ALAS1: variants seen among roughly 807,000 people sequenced by gnomAD.
The protein encoded by ALAS1 is 5-aminolevulinate synthase, non-specific, mitochondrial.
A neutral mutation model predicts 59.6 loss-of-function variants in ALAS1; 29 were observed. The observed-to-expected ratio is 0.49, with a 90% CI of 0.36 to 0.66. The LOEUF is 0.66. ALAS1 is among the 30% of genes least tolerant of loss of function. The pLI, the probability that ALAS1 is intolerant of heterozygous loss-of-function variation, is 0.00. For synonymous variants in ALAS1, 299 were observed against 296.6 expected (o/e 1.01, Z -0.08); for missense variants, 690 against 807.5 (o/e 0.85, Z 1.76).
At position 52,202,656 on chromosome 3, in the gene ALAS1, C is replaced by T; in HGVS notation, c.349C>T (p.Gln117Ter). The change falls in exon 4 of 12, where the codon CAG (glutamine) becomes TAG (stop). Residue 117 changes from glutamine to a stop codon, truncating the protein, a stop_gained. Transcript: ENST00000484952. LOFTEE classifies it high-confidence loss of function. ...CCCTTTCCTGGCAGCACAGATGAATCAGAGAGGCAGCAGTGTCTTCTGCAA... is the reference window on the plus strand; with the variant it reads ...CCCTTTCCTGGCAGCACAGATGAATTAGAGAGGCAGCAGTGTCTTCTGCAA... Reference protein sequence around the residue: ...KCPFLAAQMNQRGSSVFCKAS... With the variant: ...KCPFLAAQMN 6.2e-7 allele frequency: 1 copy of T among 1,614,206 alleles called. No homozygotes were observed.
intron 4 of ALAS1, among the ~76,000 whole-genome samples, 188 bp from the exon 5 acceptor site, chr3:52,203,675 C>G (rs1466547619): frequency 1.3e-5 from 2 of 152,166 alleles, no homozygotes; most frequent in East Asian, 3.8e-4. Flanking sequence ...AAAACAACAC[C>G]AAGAGTCTGC....
chr3:52,202,572 A>T lies in ALAS1; in HGVS notation c.265A>T (p.Thr89Ser), dbSNP rs1436104564. The T allele has an allele frequency of 1.2e-6, 2 of 1,614,204 alleles. No homozygotes were observed. Among genetic ancestry groups the T allele is most frequent in the African/African-American group, 2.7e-5 (2 of 75,046 alleles). ...PDGSQQSPDGTQLPSGHPLPA... is the reference protein window; with the variant it reads ...PDGSQQSPDGSQLPSGHPLPA... ...TGGATCCCAGCAGAGTCCAGATGGC[A>T]CACAGCTTCCGTCTGGACACCCCTT... is the stretch of plus-strand genomic sequence containing the variant. Residue 89 changes from threonine to serine, a missense_variant, in exon 4 of 12, where the codon ACA becomes TCA. Thr to Ser is a moderately conservative substitution (Grantham distance 58). Coordinates refer to ENST00000484952, the MANE Select transcript of ALAS1 (RefSeq NM_000688.6).
intron 10 of ALAS1, 110 bp downstream of exon 10, chr3:52,211,661 A>C (rs1252629638): frequency 6.8e-7 from 1 of 1,468,656 alleles, no homozygotes; most frequent in African/African-American, 1.4e-5. Flanking sequence ...GGTGACTGCC[A>C]GGGCAGGGGT....
chr3:52,202,859 C>A, intron 4 of ALAS1, 125 bp downstream of exon 4: 1 of 903,900 alleles, frequency 1.1e-6, no homozygotes, highest in Non-Finnish European at 1.7e-6. Context: ...TCTTTTAGGG[C>A]CAGAGAGGAA....
intron 10 of ALAS1, among the ~76,000 whole-genome samples, chr3:52,212,001 A>G (rs572952395): frequency 6.6e-6 from 1 of 152,364 alleles, no homozygotes; most frequent in East Asian, 1.9e-4. Flanking sequence ...GTCTGCTGGT[A>G]CGAACAGAAC....
chr3:52,213,012 T>C (rs1467150133), intron 11 of ALAS1, among the ~76,000 whole-genome samples: 2 of 152,200 alleles, frequency 1.3e-5, no homozygotes, highest in Non-Finnish European at 2.9e-5. Flanking sequence ...TGCACAGTAA[T>C]GACTTGCAGG....
At chr3:52,201,073 C>T (rs1699177194) in intron 3 of ALAS1, among the ~76,000 whole-genome samples, 2 of 151,898 alleles carry the variant, frequency 1.3e-5, no homozygotes, top group South Asian at 2.1e-4. Flanking sequence ...TTTTTTTGGC[C>T]TTCCGTTATA....
chr3:52,212,536 AG>A, intron 11 of ALAS1, 116 bp downstream of exon 11: 4 of 1,383,528 alleles, frequency 2.9e-6, no homozygotes, highest in Non-Finnish European at 4.0e-6. Flanking sequence ...TTCTTTTTTT[AG>A]TTTTTTTTTT....
At chr3:52,198,525 G>C (rs1367775132) in intron 1 of ALAS1, 147 bp from the exon 2 acceptor site, 7 of 478,700 alleles carry the variant, frequency 1.5e-5, no homozygotes, top group South Asian at 1.2e-4. Flanking sequence ...CCTCGACCGC[G>C]GGTCACCTCT....
intron 2 of ALAS1, 85 bp from the exon 3 acceptor site, chr3:52,199,125 T>C: frequency 7.4e-7 from 1 of 1,355,684 alleles, no homozygotes; most frequent in Non-Finnish European, 1.0e-6. Context: ...ACCCTTTATA[T>C]AAACTGCGGT....
chr3:52,204,546 TAC>T, intron 5 of ALAS1, 145 bp from the exon 6 acceptor site: 2 of 674,884 alleles, frequency 3.0e-6, no homozygotes, highest in Non-Finnish European at 5.1e-6. Flanking sequence ...AAACACGACA[TAC>T]AGTCTTATTT....
Position 52,203,962 on chromosome 3 carries a change from A to G in ALAS1, c.527A>G (p.Lys176Arg). The G allele has an allele frequency of 6.2e-7, 1 of 1,613,320 alleles. No individual in the cohort carries two copies. Among genetic ancestry groups the G allele is most frequent in the Non-Finnish European group, 8.5e-7 (1 of 1,179,550 alleles). ...AAGAACTTCCAGGACATCATGCAAA[A>G]GCAAAGACCAGAAAGAGTGTCTCAT... ...LLKNFQDIMQ[K>R]QRPERVSHLL... is the part of the protein sequence containing the mutation. The change falls in exon 5 of 12, where the codon AAG becomes AGG. Residue 176 changes from lysine to arginine, a missense_variant. Physicochemically the swap from Lys to Arg is conservative, Grantham distance 26 (BLOSUM62 2). Coordinates refer to ENST00000484952, the MANE Select transcript of ALAS1 (RefSeq NM_000688.6).
Position 52,212,540 on chromosome 3 carries a change from T to G in ALAS1, c.1762+120T>G. The G allele has an allele frequency of 2.2e-6, 3 of 1,363,776 alleles. 1 individual carries two copies. Among genetic ancestry groups the G allele is most frequent in the Middle Eastern group, 5.2e-4 (2 of 3,832 alleles). 84.5% of individuals were successfully genotyped at this position (1,363,776 alleles called of 1,614,324 possible). A position where few individuals can be genotyped will look rare whatever the true frequency, so the allele number is the denominator to read the frequency against. ...TTTGTTTCTTCTTCTTTTTTTAGTT[T>G]TTTTTTTGAGACAAGAGTTTCGCTC... On this transcript the variant is annotated intron_variant, in intron 11 of 11. Coordinates refer to ENST00000484952, the MANE Select transcript of ALAS1 (RefSeq NM_000688.6).
At chr3:52,199,146 A>G (rs1699132408) in intron 2 of ALAS1, 64 bp from the exon 3 acceptor site, 2 of 1,526,850 alleles carry the variant, frequency 1.3e-6, no homozygotes, top group African/African-American at 1.4e-5. Context: ...TGACACCTGA[A>G]TCCAGTGAGC....
chr3:52,212,722 G>T (rs1401735626), intron 11 of ALAS1, among the ~76,000 whole-genome samples: 5 of 151,888 alleles, frequency 3.3e-5, no homozygotes, highest in Non-Finnish European at 7.4e-5. Context: ...GTAGAGATGG[G>T]GTTTCTCCAT....
chr3:52,205,693 T>G (rs981978228), intron 6 of ALAS1, 146 bp from the exon 7 acceptor site: 19 of 708,122 alleles, frequency 2.7e-5, no homozygotes, highest in Non-Finnish European at 4.3e-5. Context: ...ATGAAATCAG[T>G]TGAAATTTCT....
rs1425124773 is a variant in ALAS1 at position 52,214,325 on chromosome 3, G to A, written c.*145G>A. The A allele has an allele frequency of 7.6e-6, 6 of 793,178 alleles. No homozygotes were observed. The East Asian group carries it at 8.5e-5, about 11-fold the overall frequency. The allele number at this position is 793,178 out of a possible 1,614,324, so 49.1% of individuals were successfully genotyped here. A position where few individuals can be genotyped will look rare whatever the true frequency, so the allele number is the denominator to read the frequency against. ...CTGGAAATAAATTCTTGCTTAAATG[G>A]TGGTTCTTTCTGCTATTGGCTACTG... On this transcript the variant is annotated 3_prime_UTR_variant, in exon 12 of 12. Transcript: ENST00000484952.
In ALAS1 at chr3:52,214,269, T is replaced by C; in HGVS notation, c.*89T>C. 1.6e-6 allele frequency: 2 copies of C among 1,226,404 alleles called. No homozygotes were observed. The highest frequency in any genetic ancestry group is 1.5e-5 in the African/African-American group (1 of 66,252). The allele number at this position is 1,226,404 out of a possible 1,614,324, so 76.0% of individuals were successfully genotyped here. ...GTCTTTATATGTGAATTAAGTTATA[T>C]TAAATTTTAATCTATAGTAAAAACA... On this transcript the variant is annotated 3_prime_UTR_variant, in exon 12 of 12. Transcript: ENST00000484952.
intron 10 of ALAS1, 141 bp from the exon 11 acceptor site, chr3:52,212,117 C>T: frequency 1.3e-6 from 1 of 750,344 alleles, no homozygotes; most frequent in Non-Finnish European, 2.2e-6. Context: ...TTGGGCAGCG[C>T]TTTCCCTCTG....
Sources: allele counts gnomAD v4.1 joint callset (sites outside exome capture counted in the v4.1 genomes callset), GRCh38; gene constraint gnomAD v4.1.1; transcripts MANE v1.5; gene names NCBI Gene and HGNC (gene_info 2026-07-23, HGNC 2026-07-21).